TGM3: variants seen among roughly 807,000 people sequenced by gnomAD.
The protein encoded by TGM3 is protein-glutamine gamma-glutamyltransferase E.
A neutral mutation model predicts 73.8 loss-of-function variants in TGM3; 52 were observed. That is an observed-to-expected ratio of 0.70 (90% CI 0.56 to 0.89). The LOEUF is 0.89. Ranked by LOEUF, TGM3 falls within the 40% of genes least tolerant of loss-of-function variation. TGM3 has a pLI of 0.00. For synonymous variants in TGM3, 372 were observed against 354.9 expected, an observed-to-expected ratio of 1.05 and a Z score of -0.54; for missense variants, 928 against 909.9, an observed-to-expected ratio of 1.02 and a Z score of -0.26.
At chr20:2,310,149 G>C in intron 2 of TGM3, 29 bp from the exon 3 acceptor site, 1 of 1,612,992 alleles carries the variant, frequency 6.2e-7, no homozygotes, top group Non-Finnish European at 8.5e-7. Context: ...GTGCTTGTTG[G>C]TTTTCTCAAC....
Position 2,317,111 on chromosome 20 carries a change from G to A in TGM3, c.713G>A (p.Ser238Asn), listed in dbSNP as rs867629453. The change falls in exon 6 of 13, where the codon AGC becomes AAC. Residue 238 changes from serine (S) to asparagine (N), a missense_variant. Coordinates refer to ENST00000381458, the MANE Select transcript of TGM3 (RefSeq NM_003245.4). The stretch of plus-strand genomic sequence containing the variant: ...AATGGTGTGCTTGCTGGGAATTGGA[G>A]CGGCACTTACACCGGTGGCCGGGAC... The part of the protein sequence containing the change: ...DDNGVLAGNW[S>N]GTYTGGRDPR... 20 of 1,613,894 alleles carry A rather than the reference G, an allele frequency of 1.2e-5. No individual in the cohort carries two copies. Among genetic ancestry groups the A allele is most frequent in the Middle Eastern group, 1.7e-4 (1 of 5,958 alleles).
Position 2,340,895 on chromosome 20 carries a change from G to A in TGM3, c.*314G>A, listed in dbSNP as rs1287481410. The A allele has an allele frequency of 1.9e-6, 1 of 515,244 alleles. No individual in the cohort carries two copies. The highest frequency in any genetic ancestry group is 2.3e-5 in the Admixed American group (1 of 44,168). The allele number at this position is 515,244 out of a possible 1,614,324, so 31.9% of individuals were successfully genotyped here. On this transcript the variant is annotated 3_prime_UTR_variant, in exon 13 of 13. Coordinates refer to ENST00000381458, the MANE Select transcript of TGM3 (RefSeq NM_003245.4). ...AATGCTGCAGGATGGACTGGCCCCT[G>A]ACCCAGGGACTCTCCAAACGGGATA...
Position 2,332,143 on chromosome 20 carries a change from T to C in TGM3, c.1475T>C (p.Met492Thr). ...SIIGKLKVAG[M>T]LAVGKEVNLV... ...ATCGGGAAGCTGAAGGTCGCTGGCATGCTGGCAGTAGGCAAAGAAGTCAAC... is the reference window on the plus strand; with the variant it reads ...ATCGGGAAGCTGAAGGTCGCTGGCACGCTGGCAGTAGGCAAAGAAGTCAAC... The change falls in exon 10 of 13, where the codon ATG becomes ACG. Residue 492 changes from methionine (M) to threonine (T), a missense_variant. Met to Thr is a moderately conservative substitution (Grantham distance 81). Coordinates refer to ENST00000381458, the MANE Select transcript of TGM3 (RefSeq NM_003245.4). This position sits in a 1 kb window ranked among gnomAD's most constrained non-coding sequence, Gnocchi z 4.4. 2 of 1,614,222 alleles carry C rather than the reference T, an allele frequency of 1.2e-6. No homozygotes were observed. Among genetic ancestry groups the C allele is most frequent in the Middle Eastern group, 1.6e-4 (1 of 6,062 alleles).
At chr20:2,300,639 G>A (rs1027969538) in intron 1 of TGM3, among the ~76,000 whole-genome samples, 8 of 152,176 alleles carry the variant, frequency 5.3e-5, no homozygotes, top group South Asian at 2.1e-4. Flanking sequence ...TTGATATTGA[G>A]TAAGTGACTT....
chr20:2,302,464 C>T (rs2084153530), intron 1 of TGM3, among the ~76,000 whole-genome samples: 1 of 152,130 alleles, frequency 6.6e-6, no homozygotes, highest in African/African-American at 2.4e-5. Context: ...AAGACAGAAG[C>T]TTATTTCTTC....
At chr20:2,309,917 G>A (rs2084194314) in intron 2 of TGM3, 87 bp downstream of exon 2, 1 of 1,548,858 alleles carries the variant, frequency 6.5e-7, no homozygotes, top group East Asian at 2.3e-5. Context: ...CCACACTGGG[G>A]CCACTGGCAT....
intron 11 of TGM3, among the ~76,000 whole-genome samples, 173 bp from the exon 12 acceptor site, chr20:2,339,681 G>A (rs1484422452): frequency 6.6e-6 from 1 of 152,154 alleles, no homozygotes; most frequent in Non-Finnish European, 1.5e-5. Context: ...GTATTGGGGG[G>A]CAGGGGGCGT....
chr20:2,326,115 G>T (rs574756177), intron 8 of TGM3, 163 bp downstream of exon 8: 26 of 710,770 alleles, frequency 3.7e-5, no homozygotes, highest in South Asian at 1.5e-4. Context: ...ATTTTGCTTG[G>T]CTCGGGCTGC....
chr20:2,335,578 T>C (rs2084345426), intron 11 of TGM3, among the ~76,000 whole-genome samples: 1 of 152,234 alleles, frequency 6.6e-6, no homozygotes, highest in Non-Finnish European at 1.5e-5. Flanking sequence ...TGGGGGACTC[T>C]TTTCAGCTCA....
Position 2,328,264 on chromosome 20 carries a change from A to G in TGM3, c.1232A>G (p.Lys411Arg). The G allele has an allele frequency of 6.2e-7, 1 of 1,614,214 alleles. No individual in the cohort carries two copies. Among genetic ancestry groups the G allele is most frequent in the Non-Finnish European group, 8.5e-7 (1 of 1,180,036 alleles). ...GACAACACCACTGGCAAACAGTGGA[A>G]GAATTCCGTGAACAGTCACACCATT... ...LYDNTTGKQW[K>R]NSVNSHTIGR... The change falls in exon 9 of 13, where the codon AAG (lysine) becomes AGG (arginine). Residue 411 changes from lysine (K) to arginine (R), a missense_variant. Transcript: ENST00000381458. This position sits in a 1 kb window ranked among gnomAD's most constrained non-coding sequence, Gnocchi z 5.2.
At chr20:2,302,614 G>A (rs1243694989) in intron 1 of TGM3, among the ~76,000 whole-genome samples, 1 of 150,232 alleles carries the variant, frequency 6.7e-6, no homozygotes, top group Non-Finnish European at 1.5e-5. Flanking sequence ...GTCCGCTAGA[G>A]GCTTGTCCCT....
chr20:2,339,761 C>T (rs1385491752), intron 11 of TGM3, 93 bp from the exon 12 acceptor site: 2 of 1,546,906 alleles, frequency 1.3e-6, no homozygotes, highest in Non-Finnish European at 1.8e-6. Flanking sequence ...TGACATCACC[C>T]CCTTCACTCA....
rs150542876 is a variant in TGM3, at chr20:2,339,869, C to T, written c.1816C>T (p.Arg606Cys). The change falls in exon 12 of 13, where the codon CGT becomes TGT. Residue 606 changes from arginine to cysteine, a missense_variant. Arg to Cys is a radical substitution (Grantham distance 180). Transcript: ENST00000381458. ...TLTLEVLNEA[R>C]VRKPVNVQML... is the part of the protein sequence containing the mutation. The stretch of plus-strand genomic sequence containing the variant: ...TCCCCCATAGGTGCTGAACGAGGCT[C>T]GTGTGCGGAAGCCTGTGAACGTGCA... 180 of 1,613,994 alleles carry T rather than the reference C, an allele frequency of 1.1e-4. No homozygotes were observed. The highest frequency in any genetic ancestry group is 1.8e-4 in the East Asian group (8 of 44,878).
In TGM3 at chr20:2,340,822, C is replaced by A. The variant is rs921748997; in HGVS notation, c.*241C>A. 7 of 639,236 alleles carry A rather than the reference C, an allele frequency of 1.1e-5. No homozygotes were observed. The highest frequency in any genetic ancestry group is 9.0e-5 in the African/African-American group (5 of 55,716). 39.6% of individuals were successfully genotyped at this position (639,236 alleles called of 1,614,324 possible). A position where few individuals can be genotyped will look rare whatever the true frequency, so the allele number is the denominator to read the frequency against. On this transcript the variant is annotated 3_prime_UTR_variant, in exon 13 of 13. Coordinates refer to ENST00000381458, the MANE Select transcript of TGM3 (RefSeq NM_003245.4). ...ATTCCCTGGCCGCTTCTCCCCAGAG[C>A]TGCCTGCTCTGTGAGCCCCACAGCC...
At chr20:2,308,389 G>A (rs769354561) in intron 1 of TGM3, among the ~76,000 whole-genome samples, 6 of 152,228 alleles carry the variant, frequency 3.9e-5, no homozygotes, top group Non-Finnish European at 7.3e-5. Flanking sequence ...AATGGGTGAT[G>A]TAACCTCTTA....
At chr20:2,333,499 G>A (rs2122249743) in intron 10 of TGM3, among the ~76,000 whole-genome samples, 1 of 152,160 alleles carries the variant, frequency 6.6e-6, no homozygotes, top group Admixed American at 6.5e-5. Flanking sequence ...TCCTGCCTCA[G>A]CCCCCCAAGT....
rs771766720 is a variant in TGM3, at chr20:2,317,072, A to G, written c.674A>G (p.Asn225Ser). Residue 225 changes from asparagine (N) to serine (S), a missense_variant, in exon 6 of 13, where the codon AAT becomes AGT. Physicochemically the swap from Asn to Ser is conservative, Grantham distance 46. Coordinates refer to ENST00000381458, the MANE Select transcript of TGM3 (RefSeq NM_003245.4). Reference sequence around the variant, plus strand: ...GGGGGGGTGGTTTCTGCCCAGATCAATAGCAATGATGACAATGGTGTGCTT... The same window carrying G: ...GGGGGGGTGGTTTCTGCCCAGATCAGTAGCAATGATGACAATGGTGTGCTT... ...YVGRVLSAMI[N>S]SNDDNGVLAG... is the part of the protein sequence containing the mutation. 1.9e-6 allele frequency: 3 copies of G among 1,613,648 alleles called. No homozygotes were observed. The African/African-American group carries it at 4.0e-5, about 22-fold the overall frequency.
intron 1 of TGM3, among the ~76,000 whole-genome samples, chr20:2,305,097 C>G (rs1435468103): frequency 6.6e-6 from 1 of 152,194 alleles, no homozygotes; most frequent in Non-Finnish European, 1.5e-5. Flanking sequence ...GGAAGCTCCT[C>G]AGGCCCCATC....
chr20:2,338,907 G>C (rs866222897), intron 11 of TGM3, among the ~76,000 whole-genome samples: 2 of 152,214 alleles, frequency 1.3e-5, no homozygotes, highest in Non-Finnish European at 2.9e-5. Context: ...GAGATGACTT[G>C]TCTGCCCAGA....
Sources: gnomAD v4.1 joint callset for allele counts (sites outside exome capture counted in the v4.1 genomes callset) on GRCh38, gnomAD v4.1.1 for gene constraint, Gnocchi (gnomAD v3.1) non-coding constraint, MANE v1.5 for transcripts, NCBI Gene and HGNC (gene_info 2026-07-23, HGNC 2026-07-21) for gene names.